The following BCAS3 variants were observed in gnomAD, a reference collection of about 807,000 sequenced individuals.
The protein encoded by BCAS3 is BCAS4/BCAS3 fusion.
BCAS3 carries 53 observed loss-of-function variants against 116.1 expected under a neutral mutation model. The observed-to-expected ratio is 0.46, with a 90% CI of 0.37 to 0.57. BCAS3 has a LOEUF of 0.57. BCAS3 is among the 20% of genes least tolerant of loss of function. BCAS3 has a pLI of 0.00. For synonymous variants in BCAS3, 391 were observed against 408.2 expected (o/e 0.96, Z 0.51); for missense variants, 917 against 1,165.4 (o/e 0.79, Z 3.10).
intron 7 of BCAS3, among the ~76,000 whole-genome samples, chr17:60,843,874 C>T (rs894932165): frequency 6.6e-6 from 1 of 152,120 alleles, no homozygotes; most frequent in South Asian, 2.1e-4. Context: ...ATTTTGTGTT[C>T]AGTAGGTGTC....
rs966822276 is a variant in BCAS3 at position 60,767,534 on chromosome 17, A to T, written c.403+20255A>T. Among the ~76,000 whole-genome samples the T allele has an allele frequency of 4.0e-5, 6 of 151,848 alleles. No homozygotes were observed. In the East Asian group the frequency reaches 7.8e-4, roughly 20 times the overall value. Reference sequence around the variant, plus strand: ...TAATTTTTTTGTATTTTTATTAGAAATGGGGTTTCACCATGCTGGCCAGGC... The same window carrying T: ...TAATTTTTTTGTATTTTTATTAGAATTGGGGTTTCACCATGCTGGCCAGGC... On this transcript the variant is annotated intron_variant, in intron 6 of 23. Coordinates refer to ENST00000407086, the MANE Select transcript of BCAS3 (RefSeq NM_017679.5).
At chr17:60,760,539 A>G (rs2043427765) in intron 6 of BCAS3, among the ~76,000 whole-genome samples, 2 of 150,972 alleles carry the variant, frequency 1.3e-5, no homozygotes, top group South Asian at 4.2e-4. Flanking sequence ...TATGTCATTC[A>G]ATTCTCTCCA....
chr17:60,971,309 C>T lies in BCAS3; in HGVS notation c.1222-18662C>T, dbSNP rs562523618. Among the ~76,000 whole-genome samples the T allele has an allele frequency of 6.6e-5, 10 of 152,216 alleles. No homozygotes were observed. In the South Asian group the frequency reaches 8.3e-4, roughly 13 times the overall value. Reference sequence around the variant, plus strand: ...CTAGAGGGTTTTCAGAATTAGGAGGCGGCGAACTTTTTCTTTAAAGGACCA... The same window carrying T: ...CTAGAGGGTTTTCAGAATTAGGAGGTGGCGAACTTTTTCTTTAAAGGACCA... On this transcript the variant is annotated intron_variant, in intron 14 of 23. Coordinates refer to ENST00000407086, the MANE Select transcript of BCAS3 (RefSeq NM_017679.5).
chr17:61,190,526 CAAAAAAAAAAA>C (rs71148387), intron 22 of BCAS3, among the ~76,000 whole-genome samples: 2 of 43,904 alleles, frequency 4.6e-5, no homozygotes, highest in East Asian at 8.4e-4. Context: ...GACTCCATCT[CAAAAAAAAAAA>C]AAAAAAAAAA....
intron 19 of BCAS3, among the ~76,000 whole-genome samples, chr17:61,057,233 A>G (rs1360722674): frequency 6.6e-6 from 1 of 152,168 alleles, no homozygotes. Flanking sequence ...TGACTATATA[A>G]TAGTTTTTTA....
chr17:60,708,441 C>T (rs1204744984), intron 4 of BCAS3, among the ~76,000 whole-genome samples: 1 of 152,180 alleles, frequency 6.6e-6, no homozygotes, highest in Admixed American at 6.6e-5. Flanking sequence ...TCACCACAGC[C>T]TTGAATTATT....
intron 13 of BCAS3, among the ~76,000 whole-genome samples, chr17:60,930,780 GAC>G (rs2059605635): frequency 6.6e-6 from 1 of 151,914 alleles, no homozygotes; most frequent in African/African-American, 2.4e-5. Flanking sequence ...TTAAAAGAAA[GAC>G]ATATTTTTAG....
At chr17:61,179,588 T>A (rs1357427173) in intron 22 of BCAS3, among the ~76,000 whole-genome samples, 2 of 152,216 alleles carry the variant, frequency 1.3e-5, no homozygotes, top group African/African-American at 4.8e-5. Flanking sequence ...GCTCATCTTG[T>A]AGCTTTACTA....
At chr17:61,167,176 A>G (rs1021682962) in intron 22 of BCAS3, among the ~76,000 whole-genome samples, 9 of 152,232 alleles carry the variant, frequency 5.9e-5, no homozygotes, top group African/African-American at 2.2e-4. Context: ...TTAGTTAGGA[A>G]AGATGAGGCA....
chr17:61,093,938 A>G (rs913312202), intron 22 of BCAS3, among the ~76,000 whole-genome samples: 9 of 152,250 alleles, frequency 5.9e-5, no homozygotes, highest in African/African-American at 1.2e-4. Flanking sequence ...TGGTTTTTCA[A>G]ACTCTGGGAA....
At chr17:61,045,860 T>TAAA (rs1448469789) in intron 19 of BCAS3, among the ~76,000 whole-genome samples, 25 of 1,930 alleles carry the variant, frequency 0.013, 4 homozygotes, top group Non-Finnish European at 0.018. Context: ...TATATATATA[T>TAAA]ATATAAATAT....
chr17:61,119,860 G>A (rs555315040), intron 22 of BCAS3, among the ~76,000 whole-genome samples: 28 of 151,926 alleles, frequency 1.8e-4, no homozygotes, highest in Middle Eastern at 7.1e-3. Flanking sequence ...CTAATTAGAC[G>A]GTTGAATTCT....
chr17:61,100,695 A>G (rs2074269546), intron 22 of BCAS3, among the ~76,000 whole-genome samples: 1 of 152,172 alleles, frequency 6.6e-6, no homozygotes, highest in South Asian at 2.1e-4. Context: ...GAACATTGAA[A>G]CCAAGTTCTT....
At position 61,368,304 on chromosome 17, in the gene BCAS3, C is replaced by CA. The variant is rs1179765995; in HGVS notation, c.2426-22dup. 6.4e-7 allele frequency: 1 copy of CA among 1,571,076 alleles called. No homozygotes were observed. Among genetic ancestry groups the CA allele is most frequent in the Admixed American group, 1.7e-5 (1 of 58,226 alleles). The stretch of plus-strand genomic sequence containing the variant: ...CTCCCTGAAGGTGTGGACTCAACGT[C>CA]AGATGTCCCGTGTGTGCCACAGGTA... On this transcript the variant is annotated intron_variant, in intron 22 of 23. Coordinates refer to ENST00000407086, the MANE Select transcript of BCAS3 (RefSeq NM_017679.5). This position sits in a 1 kb window ranked among gnomAD's most constrained non-coding sequence, Gnocchi z 6.0.
intron 6 of BCAS3, among the ~76,000 whole-genome samples, chr17:60,804,731 A>G (rs902446225): frequency 6.6e-6 from 1 of 152,134 alleles, no homozygotes; most frequent in African/African-American, 2.4e-5. Flanking sequence ...GTCTGAGTAT[A>G]TGTGTAGGGT....
Position 61,326,902 on chromosome 17 carries a change from A to G in BCAS3, c.2426-41425A>G, listed in dbSNP as rs2055774606. Reference sequence around the variant, plus strand: ...ACCATCTCTCCCTTTAGGCAACTCAAAATCTATTTGTATTTGTTGTTAGAG... The same window carrying G: ...ACCATCTCTCCCTTTAGGCAACTCAGAATCTATTTGTATTTGTTGTTAGAG... On this transcript the variant is annotated intron_variant, in intron 22 of 23. Coordinates refer to ENST00000407086, the MANE Select transcript of BCAS3 (RefSeq NM_017679.5). The surrounding 1 kb of genome is among the most constrained non-coding windows in gnomAD (Gnocchi z 5.3). Among the ~76,000 whole-genome samples, 1 of 152,228 alleles carries G rather than the reference A, an allele frequency of 6.6e-6. No homozygotes were observed. The highest frequency in any genetic ancestry group is 6.5e-5 in the Admixed American group (1 of 15,284).
intron 2 of BCAS3, among the ~76,000 whole-genome samples, chr17:60,681,521 T>C (rs1270928481): frequency 3.3e-5 from 5 of 150,814 alleles, no homozygotes; most frequent in African/African-American, 4.9e-5. Context: ...GAAAAATAAA[T>C]AGATATATTT....
rs991131831 is a variant in BCAS3 at position 61,077,239 on chromosome 17, C to T, written c.2131-1094C>T. Among the ~76,000 whole-genome samples, 10 of 152,082 alleles carry T rather than the reference C, an allele frequency of 6.6e-5. No homozygotes were observed. Among genetic ancestry groups the T allele is most frequent in the African/African-American group, 1.7e-4 (7 of 41,406 alleles). Reference sequence around the variant, plus strand: ...TAATGTTTAATAAAGTATTGGCGGCCGGGCGCAGTGGCTCACGCCTGTAAT... The same window carrying T: ...TAATGTTTAATAAAGTATTGGCGGCTGGGCGCAGTGGCTCACGCCTGTAAT... On this transcript the variant is annotated intron_variant, in intron 20 of 23. Transcript: ENST00000407086. This position sits in a 1 kb window ranked among gnomAD's most constrained non-coding sequence, Gnocchi z 4.3.
chr17:61,107,879 C>G (rs547874142), intron 22 of BCAS3, among the ~76,000 whole-genome samples: 1 of 152,340 alleles, frequency 6.6e-6, no homozygotes, highest in East Asian at 1.9e-4. Flanking sequence ...TAAAGGCCCA[C>G]AAGCACAGTT....
Sources: allele counts gnomAD v4.1 joint callset (sites outside exome capture counted in the v4.1 genomes callset), GRCh38; gene constraint gnomAD v4.1.1; non-coding constraint Gnocchi (gnomAD v3.1); transcripts MANE v1.5; gene names NCBI Gene and HGNC (gene_info 2026-07-23, HGNC 2026-07-21).